SPINK7: variants seen among roughly 807,000 people sequenced by gnomAD.
SPINK7 encodes serine peptidase inhibitor Kazal type 7.
A neutral mutation model predicts 11.6 loss-of-function variants in SPINK7; 8 were observed. That is an observed-to-expected ratio of 0.69 (90% CI 0.41 to 1.25). The LOEUF is 1.25. Among genes scored for constraint, SPINK7 ranks in the 50% most tolerant of loss-of-function variants. The probability of loss-of-function intolerance (pLI) is 0.01; values close to 1 mark genes in which losing one functional copy is unlikely to be tolerated. For missense variants in SPINK7, 113 were observed against 99.3 expected (o/e 1.14, Z -0.58); for synonymous variants, 38 against 35.3 (o/e 1.08, Z -0.27).
chr5:148,313,833 TC>T (rs1332038480), intron 2 of SPINK7: 1 of 515,878 alleles, frequency 1.9e-6, no homozygotes, highest in African/African-American at 1.9e-5. Flanking sequence ...CTCTAGTTGT[TC>T]TGAAGATTAA....
intron 3 of SPINK7, among the ~76,000 whole-genome samples, chr5:148,315,276 G>A (rs977851896): frequency 5.3e-5 from 8 of 152,156 alleles, no homozygotes; most frequent in African/African-American, 1.7e-4. Context: ...CATGATGAAA[G>A]TCCTCCTCAC....
rs541542528 is a variant in SPINK7 at position 148,315,673 on chromosome 5, G to C, written c.247G>C (p.Gly83Arg). Residue 83 changes from glycine (G) to arginine (R), a missense_variant, in exon 4 of 4, where the codon GGA (glycine) becomes CGA (arginine). Transcript: ENST00000274565. The part of the protein sequence containing the change: ...SNGRVQFLHD[G>R]SC ...TGGAAGAGTTCAGTTTCTTCACGATGGAAGTTGCTAAATTCTCCATGGACA... is the reference window on the plus strand; with the variant it reads ...TGGAAGAGTTCAGTTTCTTCACGATCGAAGTTGCTAAATTCTCCATGGACA... 6 of 1,596,062 alleles carry C rather than the reference G, an allele frequency of 3.8e-6. No homozygotes were observed. The South Asian group carries it at 4.4e-5, about 12-fold the overall frequency.
chr5:148,315,553 A>G, intron 3 of SPINK7, 86 bp from the exon 4 acceptor site: 6 of 765,008 alleles, frequency 7.8e-6, no homozygotes, highest in Non-Finnish European at 1.1e-5. Context: ...GTGCTGCCTC[A>G]TAATCTCTAT....
At chr5:148,313,885 C>T (rs967270955) in intron 2 of SPINK7, 3 of 574,724 alleles carry the variant, frequency 5.2e-6, no homozygotes, top group Non-Finnish European at 9.1e-6. Flanking sequence ...ACGCCTAGCC[C>T]AGAAATGCCC....
In SPINK7 at chr5:148,315,628, T is replaced by C. The variant is rs1756921360; in HGVS notation, c.213-11T>C. 1 of 1,585,138 alleles carries C rather than the reference T, an allele frequency of 6.3e-7. No homozygotes were observed. Among genetic ancestry groups the C allele is most frequent in the African/African-American group, 1.3e-5 (1 of 74,508 alleles). ...GTGCTAATGAATCTTGTGAACTGTG[T>C]CTTCCCTTAGGAAAAGTAATGGAAG... On this transcript the variant is annotated splice_polypyrimidine_tract_variant and intron_variant, in intron 3 of 3. Transcript: ENST00000274565.
intron 2 of SPINK7, 38 bp downstream of exon 2, chr5:148,313,437 T>C: frequency 2.0e-6 from 3 of 1,478,226 alleles, no homozygotes; most frequent in Non-Finnish European, 2.8e-6. Context: ...TCAATAACTA[T>C]TGACTGTCAT....
chr5:148,313,468 A>C, intron 2 of SPINK7, 69 bp downstream of exon 2: 2 of 1,195,846 alleles, frequency 1.7e-6, no homozygotes, highest in Non-Finnish European at 2.4e-6. Context: ...TATATGTAGG[A>C]TAAATTATGT....
intron 1 of SPINK7, 87 bp from the exon 2 acceptor site, chr5:148,313,287 G>A: frequency 1.0e-6 from 1 of 1,001,600 alleles, no homozygotes; most frequent in Non-Finnish European, 1.5e-6. Context: ...GAAATGTAGA[G>A]TAATTATATA....
At chr5:148,315,085 T>C (rs6860471) in intron 3 of SPINK7, among the ~76,000 whole-genome samples, 6,393 of 152,228 alleles carry the variant, frequency 0.042, 461 homozygotes, top group African/African-American at 0.15. Flanking sequence ...TGCGTTTTCA[T>C]CTTTGTGATT....
In SPINK7 at chr5:148,315,653, G is replaced by T; in HGVS notation, c.227G>T (p.Arg76Ile). The part of the protein sequence containing the change: ...LCTESLKSNG[R>I]VQFLHDGSC The stretch of plus-strand genomic sequence containing the variant: ...TCTTCCCTTAGGAAAAGTAATGGAA[G>T]AGTTCAGTTTCTTCACGATGGAAGT... Residue 76 changes from arginine to isoleucine, a missense_variant, in exon 4 of 4, where the codon AGA (arginine) becomes ATA (isoleucine). Transcript: ENST00000274565. 6.2e-7 allele frequency: 1 copy of T among 1,602,916 alleles called. No individual in the cohort carries two copies.
chr5:148,313,307 T>G lies in SPINK7; in HGVS notation c.62-67T>G, dbSNP rs913160590. The G allele has an allele frequency of 9.8e-5, 122 of 1,243,986 alleles. No individual in the cohort carries two copies. In the African/African-American group the frequency reaches 1.6e-3, roughly 17 times the overall value. The allele number at this position is 1,243,986 out of a possible 1,614,324, so 77.1% of individuals were successfully genotyped here. A position where few individuals can be genotyped will look rare whatever the true frequency, so the allele number is the denominator to read the frequency against. ...GTAGAGTAATTATATAGGATGAAACTTATATTAATTAATGAGATTTAAAGT... is the reference window on the plus strand; with the variant it reads ...GTAGAGTAATTATATAGGATGAAACGTATATTAATTAATGAGATTTAAAGT... On this transcript the variant is annotated intron_variant, in intron 1 of 3. Transcript: ENST00000274565.
intron 3 of SPINK7, among the ~76,000 whole-genome samples, chr5:148,315,145 T>C (rs1017489934): frequency 2.0e-5 from 3 of 152,184 alleles, no homozygotes; most frequent in South Asian, 4.1e-4. Context: ...GACATGTCTA[T>C]GTATTTATTC....
Position 148,314,223 on chromosome 5 carries a change from T to G in SPINK7, c.211T>G (p.Leu71Val), listed in dbSNP as rs761197410. The G allele has an allele frequency of 5.6e-6, 9 of 1,613,588 alleles. No homozygotes were observed. Among genetic ancestry groups the G allele is most frequent in the Non-Finnish European group, 6.8e-6 (8 of 1,179,640 alleles). ...TGAATGTCACTTGTGTACCGAGAGC[T>G]TGTGAGTACCTCATAAGAAGAAAAT... ...GNECHLCTES[L>V]KSNGRVQFLH... Residue 71 changes from leucine (L) to valine (V), a missense_variant and splice_region_variant, in exon 3 of 4, where the codon TTG becomes GTG. Transcript: ENST00000274565.
In SPINK7 at chr5:148,315,791, A is replaced by G. The variant is rs1756924961; in HGVS notation, c.*107A>G. On this transcript the variant is annotated 3_prime_UTR_variant, in exon 4 of 4. Transcript: ENST00000274565. Reference sequence around the variant, plus strand: ...GTTTTACTGATGTTCTGGGTGGGGGACAGAGCCAGATTCAGAGTAATCTTG... The same window carrying G: ...GTTTTACTGATGTTCTGGGTGGGGGGCAGAGCCAGATTCAGAGTAATCTTG... The G allele has an allele frequency of 7.3e-6, 5 of 687,736 alleles. No individual in the cohort carries two copies. The highest frequency in any genetic ancestry group is 1.3e-5 in the Non-Finnish European group (5 of 383,138). 42.6% of individuals were successfully genotyped at this position (687,736 alleles called of 1,614,324 possible). A position where few individuals can be genotyped will look rare whatever the true frequency, so the allele number is the denominator to read the frequency against.
In SPINK7 at chr5:148,312,460, T is replaced by C; in HGVS notation, c.-24T>C. 6.4e-7 allele frequency: 1 copy of C among 1,567,456 alleles called. No individual in the cohort carries two copies. Among genetic ancestry groups the C allele is most frequent in the Non-Finnish European group, 8.8e-7 (1 of 1,137,776 alleles). On this transcript the variant is annotated 5_prime_UTR_variant, in exon 1 of 4. Coordinates refer to ENST00000274565, the MANE Select transcript of SPINK7 (RefSeq NM_032566.3). ...GCTGTAGTGACAATCTCAGAGCAGC[T>C]TCTACACCACAGCCATTTCCAGCAT...
rs1450860131 is a variant in SPINK7 at position 148,315,760 on chromosome 5, C to G, written c.*76C>G. On this transcript the variant is annotated 3_prime_UTR_variant, in exon 4 of 4. Transcript: ENST00000274565. Reference sequence around the variant, plus strand: ...ATCATCCCAGGCTCTGACTGAGTTTCTTTCAGTTTTACTGATGTTCTGGGT... The same window carrying G: ...ATCATCCCAGGCTCTGACTGAGTTTGTTTCAGTTTTACTGATGTTCTGGGT... 12 of 948,692 alleles carry G rather than the reference C, an allele frequency of 1.3e-5. No homozygotes were observed. The highest frequency in any genetic ancestry group is 1.9e-5 in the Non-Finnish European group (11 of 587,704). The allele number at this position is 948,692 out of a possible 1,614,324, so 58.8% of individuals were successfully genotyped here.
intron 3 of SPINK7, 38 bp downstream of exon 3, chr5:148,314,262 A>G (rs987676440): frequency 5.6e-6 from 9 of 1,609,878 alleles, no homozygotes; most frequent in Non-Finnish European, 7.6e-6. Flanking sequence ...ATCTGGAGTC[A>G]GTGCTCTCTA....
In SPINK7 at chr5:148,314,242, A is replaced by G; in HGVS notation, c.212+18A>G. Reference sequence around the variant, plus strand: ...GAGAGCTTGTGAGTACCTCATAAGAAGAAAATGAGATCTGGAGTCAGTGCT... The same window carrying G: ...GAGAGCTTGTGAGTACCTCATAAGAGGAAAATGAGATCTGGAGTCAGTGCT... On this transcript the variant is annotated intron_variant, in intron 3 of 3. Coordinates refer to ENST00000274565, the MANE Select transcript of SPINK7 (RefSeq NM_032566.3). The G allele has an allele frequency of 6.2e-7, 1 of 1,613,230 alleles. No individual in the cohort carries two copies. Among genetic ancestry groups the G allele is most frequent in the Non-Finnish European group, 8.5e-7 (1 of 1,179,382 alleles).
chr5:148,312,676 T>C, intron 1 of SPINK7, 132 bp downstream of exon 1: 1 of 583,996 alleles, frequency 1.7e-6, no homozygotes, highest in South Asian at 2.5e-5. Flanking sequence ...AATAGGATCT[T>C]ATGTTCCATC....
Sources: gnomAD v4.1 joint callset for allele counts (sites outside exome capture counted in the v4.1 genomes callset) on GRCh38, gnomAD v4.1.1 for gene constraint, MANE v1.5 for transcripts, NCBI Gene and HGNC (gene_info 2026-07-23, HGNC 2026-07-21) for gene names.